Variants in EML4 observed in about 807,000 individuals in gnomAD.
EML4 encodes the protein EMAP like 4.
A neutral mutation model predicts 129.0 loss-of-function variants in EML4; 72 were observed. The observed-to-expected ratio is 0.56, with a 90% CI of 0.46 to 0.68. The LOEUF (loss-of-function observed/expected upper bound fraction) is 0.68. Ranked by LOEUF, EML4 falls within the 30% of genes least tolerant of loss-of-function variation. The pLI, the probability that EML4 is intolerant of heterozygous loss-of-function variation, is 0.00. For missense variants in EML4, 1,363 were observed against 1,190.6 expected (o/e 1.14, Z -2.13); for synonymous variants, 532 against 405.0 (o/e 1.31, Z -3.77).
intron 6 of EML4, among the ~76,000 whole-genome samples, chr2:42,279,781 T>TTATTA (rs1553383522): frequency 3.2e-4 from 49 of 151,172 alleles, no homozygotes; most frequent in Non-Finnish European, 4.4e-4. Flanking sequence ...GCTGTCTTTT[T>TTATTA]TTATTATTAT....
intron 1 of EML4, among the ~76,000 whole-genome samples, chr2:42,177,195 GAGGAAATAAATT>G (rs750180896): frequency 6.6e-6 from 1 of 151,962 alleles, no homozygotes; most frequent in Non-Finnish European, 1.5e-5. Context: ...GTAAAATGTG[GAGGAAATAAATT>G]AGGGACTAGT....
At chr2:42,230,469 C>A (rs1328109628) in intron 1 of EML4, among the ~76,000 whole-genome samples, 2 of 152,058 alleles carry the variant, frequency 1.3e-5, no homozygotes, top group Non-Finnish European at 2.9e-5. Flanking sequence ...TACAGTGTTG[C>A]AATCTTGGCT....
chr2:42,193,765 A>C (rs897254613), intron 1 of EML4, among the ~76,000 whole-genome samples: 3 of 151,664 alleles, frequency 2.0e-5, no homozygotes, highest in African/African-American at 4.8e-5. Context: ...GGCTCACTGC[A>C]GCCTTGACCT....
chr2:42,303,873 C>T (rs570360595), intron 16 of EML4, among the ~76,000 whole-genome samples: 3 of 152,200 alleles, frequency 2.0e-5, no homozygotes, highest in South Asian at 4.1e-4. Flanking sequence ...TGCAGTGAGC[C>T]GAGATCGTGC....
rs911786237 is a variant in EML4 at position 42,253,287 on chromosome 2, C to T, written c.209-3214C>T. ...TTTTCATCCTGAAGGTAGTGGAGAG[C>T]CACTAAAGAATCTTAAGCTGAGGAC... On this transcript the variant is annotated intron_variant, in intron 2 of 22. Transcript: ENST00000318522. 5.3e-5 allele frequency among the ~76,000 whole-genome samples: 8 copies of T among 152,100 alleles called. 1 individual carries two copies. In the East Asian group the frequency reaches 1.5e-3, roughly 29 times the overall value.
At position 42,257,438 on chromosome 2, in the gene EML4, T is replaced by C. The variant is rs76573034; in HGVS notation, c.338+808T>C. ...GAAAATGCTTACCTCAATAAACTAA[T>C]GCTAGTGACCGAATTATTCATTGGT... On this transcript the variant is annotated intron_variant, in intron 3 of 22. Coordinates refer to ENST00000318522, the MANE Select transcript of EML4 (RefSeq NM_019063.5). Among the ~76,000 whole-genome samples the C allele has an allele frequency of 5.8e-3, 886 of 152,262 alleles. 12 individuals are homozygous for C. Among genetic ancestry groups the C allele is most frequent in the African/African-American group, 0.02 (848 of 41,542 alleles).
At chr2:42,258,084 T>C (rs925900896) in intron 3 of EML4, among the ~76,000 whole-genome samples, 2 of 152,206 alleles carry the variant, frequency 1.3e-5, no homozygotes, top group African/African-American at 2.4e-5. Flanking sequence ...TGTTGCTGTG[T>C]AGTGATCAGT....
intron 1 of EML4, among the ~76,000 whole-genome samples, chr2:42,228,027 C>G (rs868198553): frequency 1.3e-5 from 2 of 152,150 alleles, no homozygotes; most frequent in South Asian, 4.1e-4. Flanking sequence ...CAGAAGCAGC[C>G]TGGCCAACAT....
intron 1 of EML4, among the ~76,000 whole-genome samples, chr2:42,187,991 TTTAGAG>T (rs1266533292): frequency 6.6e-6 from 1 of 152,224 alleles, no homozygotes; most frequent in Admixed American, 6.5e-5. Context: ...CGATGATCTC[TTTAGAG>T]TTAATTTTTG....
Position 42,303,428 on chromosome 2 carries a change from A to G in EML4, c.1881A>G (p.Glu627=), listed in dbSNP as rs773538986. Residue 627 remains glutamate, a synonymous_variant, in exon 16 of 23, where the codon GAA becomes GAG. Transcript: ENST00000318522. ...CLWNSMEHRL[E]WTRLVDEPGH... Reference sequence around the variant, plus strand: ...GGAACTCAATGGAACACAGGCTGGAATGGACCAGGCTGGTAGATGTGAGTG... The same window carrying G: ...GGAACTCAATGGAACACAGGCTGGAGTGGACCAGGCTGGTAGATGTGAGTG... The G allele has an allele frequency of 3.2e-5, 51 of 1,613,918 alleles. No homozygotes were observed. Among genetic ancestry groups the G allele is most frequent in the Non-Finnish European group, 4.3e-5 (51 of 1,179,982 alleles).
intron 6 of EML4, among the ~76,000 whole-genome samples, chr2:42,271,767 G>T (rs1161849797): frequency 6.6e-6 from 1 of 152,038 alleles, no homozygotes; most frequent in African/African-American, 2.4e-5. Context: ...CAGTCTTCAA[G>T]TCTGCCAGTT....
intron 19 of EML4, chr2:42,325,063 A>G (rs1233258275): frequency 2.7e-6 from 1 of 364,112 alleles, no homozygotes; most frequent in Admixed American, 3.2e-5. Flanking sequence ...AGCCCAGGAA[A>G]ACTGTATTCC....
At chr2:42,181,726 T>G (rs956143274) in intron 1 of EML4, among the ~76,000 whole-genome samples, 2 of 152,224 alleles carry the variant, frequency 1.3e-5, no homozygotes, top group Non-Finnish European at 2.9e-5. Flanking sequence ...TCATCATTCT[T>G]TGAAGACTTT....
intron 17 of EML4, among the ~76,000 whole-genome samples, chr2:42,314,656 G>A (rs1490596880): frequency 6.6e-6 from 1 of 152,106 alleles, no homozygotes; most frequent in Non-Finnish European, 1.5e-5. Context: ...TACTTTTAAT[G>A]TATTTGTTCA....
rs758099058 is a variant in EML4, at chr2:42,247,956, A to G, written c.208+2269A>G. ...AAAATGATAACGATGTTTGATTGCT[A>G]TTCACATTTTTAAAAGCTTATTTTA... On this transcript the variant is annotated intron_variant, in intron 2 of 22. Transcript: ENST00000318522. 2.0e-4 allele frequency among the ~76,000 whole-genome samples: 30 copies of G among 152,252 alleles called. No homozygotes were observed. In the Middle Eastern group the frequency reaches 0.017, roughly 86 times the overall value.
At chr2:42,320,387 C>T (rs932136165) in intron 19 of EML4, among the ~76,000 whole-genome samples, 2 of 151,534 alleles carry the variant, frequency 1.3e-5, no homozygotes, top group African/African-American at 4.8e-5. Flanking sequence ...TAGTTTTGAA[C>T]CCTGGGTACA....
Position 42,286,277 on chromosome 2 carries a change from A to G in EML4, c.1020A>G (p.Gln340=), listed in dbSNP as rs748233718. 3.7e-6 allele frequency: 6 copies of G among 1,611,576 alleles called. No individual in the cohort carries two copies. The highest frequency in any genetic ancestry group is 3.4e-6 in the Non-Finnish European group (4 of 1,177,844). ...AGVDKDGRPL[Q]PHVRVWDSVT... is the part of the protein sequence containing the mutation. ...GTCTTGTGTTTTTGCAGCCTCTACA[A>G]CCCCACGTCAGAGTGTGGGATTCTG... The change falls in exon 10 of 23, where the codon CAA becomes CAG. Residue 340 remains glutamine, a synonymous_variant. Transcript: ENST00000318522.
intron 14 of EML4, 22 bp downstream of exon 14, chr2:42,301,414 A>G: frequency 6.3e-7 from 1 of 1,578,350 alleles, no homozygotes; most frequent in South Asian, 1.2e-5. Context: ...AACGGAATAT[A>G]AAAATATTAA....
chr2:42,328,626 G>A (rs1032302626), intron 21 of EML4, among the ~76,000 whole-genome samples: 2 of 152,158 alleles, frequency 1.3e-5, no homozygotes, highest in Non-Finnish European at 2.9e-5. Context: ...CCACCTGCTG[G>A]TTACCATTGA....
Sources: gnomAD v4.1 joint callset for allele counts (sites outside exome capture counted in the v4.1 genomes callset) on GRCh38, gnomAD v4.1.1 for gene constraint, MANE v1.5 for transcripts, NCBI Gene and HGNC (gene_info 2026-07-23, HGNC 2026-07-21) for gene names.